The following TMCO4 variants were observed in gnomAD, a reference collection of about 807,000 sequenced individuals.
TMCO4 encodes transmembrane and coiled-coil domain-containing protein 4.
In TMCO4, 58 loss-of-function variants were observed where a neutral mutation model predicts 64.7. The ratio of observed to expected loss-of-function variants is 0.90; its 90% CI spans 0.73 to 1.12. TMCO4 has a LOEUF of 1.12. Ranked by LOEUF, TMCO4 falls within the 50% of genes most tolerant of loss-of-function variation. The probability of loss-of-function intolerance (pLI) is 0.00; values close to 1 mark genes in which losing one functional copy is unlikely to be tolerated. For missense variants in TMCO4, 780 were observed against 825.9 expected, an observed-to-expected ratio of 0.94 and a Z score of 0.68; for synonymous variants, 325 against 346.1, an observed-to-expected ratio of 0.94 and a Z score of 0.68.
rs571915265 is a variant in TMCO4 at position 19,798,345 on chromosome 1, A to T, written c.-179-130T>A. 11 of 152,434 alleles carry T rather than the reference A, an allele frequency of 7.2e-5. 1 individual carries two copies. The East Asian group carries it at 2.1e-3, about 29-fold the overall frequency. 9.4% of individuals were successfully genotyped at this position (152,434 alleles called of 1,614,324 possible). A position where few individuals can be genotyped will look rare whatever the true frequency, so the allele number is the denominator to read the frequency against. ...AGCCCAGTGGTACCAGAGTAGAGAG[A>T]GATGGTTTGAGCCTTATGAGGAACT... is the stretch of plus-strand genomic sequence containing the variant. On this transcript the variant is annotated intron_variant, in intron 1 of 15. Coordinates refer to ENST00000294543, the MANE Select transcript of TMCO4 (RefSeq NM_181719.7).
At chr1:19,718,957 C>T (rs557248182) in intron 13 of TMCO4, among the ~76,000 whole-genome samples, 2 of 152,276 alleles carry the variant, frequency 1.3e-5, no homozygotes, top group African/African-American at 2.4e-5. Flanking sequence ...CTACACACAA[C>T]GTAAAACCAC....
intron 9 of TMCO4, among the ~76,000 whole-genome samples, chr1:19,745,957 G>A (rs1490039636): frequency 6.6e-6 from 1 of 152,118 alleles, no homozygotes; most frequent in Non-Finnish European, 1.5e-5. Flanking sequence ...CCCACACACC[G>A]CAGGGGTAGA....
intron 6 of TMCO4, among the ~76,000 whole-genome samples, 198 bp downstream of exon 6, chr1:19,770,340 GAAAT>G (rs1373899218): frequency 2.0e-5 from 3 of 152,176 alleles, no homozygotes; most frequent in Non-Finnish European, 4.4e-5. Flanking sequence ...AGGAATAAGT[GAAAT>G]AAACTCTGAG....
At chr1:19,782,333 A>G (rs2043529679) in intron 3 of TMCO4, among the ~76,000 whole-genome samples, 1 of 152,198 alleles carries the variant, frequency 6.6e-6, no homozygotes, top group Non-Finnish European at 1.5e-5. Context: ...GAAACTGAAA[A>G]ATGCTAAACC....
At chr1:19,793,433 A>G (rs2044149541) in intron 2 of TMCO4, among the ~76,000 whole-genome samples, 1 of 152,156 alleles carries the variant, frequency 6.6e-6, no homozygotes, top group South Asian at 2.1e-4. Context: ...CACACATACC[A>G]CACCCAAAAT....
At chr1:19,797,470 GGGCTGTTGATAAGTGGTCTGAGATGC>G (rs2044362534) in intron 2 of TMCO4, among the ~76,000 whole-genome samples, 1 of 152,116 alleles carries the variant, frequency 6.6e-6, no homozygotes, top group Middle Eastern at 3.2e-3. Context: ...TGGGCACAGA[GGGCTGTTGATAAGTGGTCTGAGATGC>G]GGCTGGAGGT....
At chr1:19,750,066 G>A (rs1229941789) in intron 7 of TMCO4, 1 of 152,150 alleles carries the variant, frequency 6.6e-6, no homozygotes, top group Non-Finnish European at 1.5e-5. Context: ...CTGAGACATA[G>A]TGACTACCAT....
intron 13 of TMCO4, among the ~76,000 whole-genome samples, chr1:19,717,514 G>A (rs563481034): frequency 3.3e-5 from 5 of 152,330 alleles, no homozygotes; most frequent in South Asian, 2.1e-4. Context: ...TCTGCTGGAC[G>A]GGCCAAGCCC....
chr1:19,700,721 C>T, intron 14 of TMCO4, 47 bp downstream of exon 14: 1 of 1,485,026 alleles, frequency 6.7e-7, no homozygotes, highest in Non-Finnish European at 9.4e-7. Context: ...ATACTAAGTG[C>T]TCCGTAAGCA....
intron 6 of TMCO4, among the ~76,000 whole-genome samples, chr1:19,760,732 T>C (rs995875241): frequency 2.0e-5 from 3 of 152,262 alleles, no homozygotes; most frequent in Admixed American, 1.3e-4. Context: ...GTTTATTTTG[T>C]CTCCTCTTCT....
At chr1:19,749,739 T>C (rs1008996308) in intron 7 of TMCO4, among the ~76,000 whole-genome samples, 10 of 152,186 alleles carry the variant, frequency 6.6e-5, no homozygotes, top group African/African-American at 2.2e-4. Context: ...AAACCAGCGA[T>C]AATCTAGATA....
At chr1:19,748,027 T>C (rs2041866273) in intron 7 of TMCO4, among the ~76,000 whole-genome samples, 1 of 152,222 alleles carries the variant, frequency 6.6e-6, no homozygotes, top group African/African-American at 2.4e-5. Flanking sequence ...ATGGTTAATC[T>C]TTACCAAGGG....
chr1:19,696,568 A>G (rs986177075), intron 14 of TMCO4, among the ~76,000 whole-genome samples: 1 of 151,744 alleles, frequency 6.6e-6, no homozygotes, highest in Non-Finnish European at 1.5e-5. Context: ...AAAAAACAAA[A>G]AACTAAAATA....
At chr1:19,740,573 C>G (rs531278487) in intron 11 of TMCO4, among the ~76,000 whole-genome samples, 1 of 152,320 alleles carries the variant, frequency 6.6e-6, no homozygotes, top group Middle Eastern at 3.4e-3. Context: ...ACGGACTGAT[C>G]ATGTGATTGG....
At chr1:19,718,061 A>G (rs57346520) in intron 13 of TMCO4, among the ~76,000 whole-genome samples, 17,839 of 152,166 alleles carry the variant, frequency 0.12, 1,237 homozygotes, top group African/African-American at 0.19. Flanking sequence ...GGCCAGGCGC[A>G]GTGACTCATG....
intron 7 of TMCO4, among the ~76,000 whole-genome samples, chr1:19,754,571 G>C (rs1983602): frequency 6.6e-6 from 1 of 152,020 alleles, no homozygotes; most frequent in African/African-American, 2.4e-5. Context: ...AGAACACCAC[G>C]GCAGCTAAAA....
intron 14 of TMCO4, among the ~76,000 whole-genome samples, chr1:19,697,766 T>G (rs1237342770): frequency 7.7e-6 from 1 of 129,814 alleles, no homozygotes; most frequent in African/African-American, 2.9e-5. Context: ...GCCTGGCTAA[T>G]TTTTGTATTT....
intron 15 of TMCO4, among the ~76,000 whole-genome samples, chr1:19,693,214 G>C (rs2095212393): frequency 6.9e-6 from 1 of 145,018 alleles, no homozygotes; most frequent in Admixed American, 7.0e-5. Flanking sequence ...CAGGCACGGT[G>C]GCTCATGCCT....
At chr1:19,697,075 C>T (rs1015405713) in intron 14 of TMCO4, among the ~76,000 whole-genome samples, 2 of 152,226 alleles carry the variant, frequency 1.3e-5, no homozygotes, top group African/African-American at 4.8e-5. Context: ...GACATGTATA[C>T]ACAGGTGTTC....
Sources: gnomAD v4.1 joint callset for allele counts (sites outside exome capture counted in the v4.1 genomes callset) on GRCh38, gnomAD v4.1.1 for gene constraint, MANE v1.5 for transcripts, NCBI Gene and HGNC (gene_info 2026-07-23, HGNC 2026-07-21) for gene names.